Variants in EIF2AK4 observed in about 807,000 individuals in gnomAD.
The protein encoded by EIF2AK4 is eukaryotic translation initiation factor 2 alpha kinase 4, also known as eIF-2-alpha kinase GCN2.
Under a neutral mutation model 211.1 loss-of-function variants are expected in EIF2AK4, and 139 were observed. The observed-to-expected ratio is 0.66, with a 90% CI of 0.57 to 0.76. EIF2AK4 has a LOEUF of 0.76. EIF2AK4 is among the 30% of genes least tolerant of loss of function. The probability of loss-of-function intolerance (pLI) is 0.00; values close to 1 mark genes in which losing one functional copy is unlikely to be tolerated. For synonymous variants in EIF2AK4, 710 were observed against 751.3 expected, an observed-to-expected ratio of 0.94 and a Z score of 0.90; for missense variants, 1,664 against 2,043.8, an observed-to-expected ratio of 0.81 and a Z score of 3.58.
At chr15:40,031,372 T>C (rs2035540835) in intron 35 of EIF2AK4, among the ~76,000 whole-genome samples, 1 of 152,212 alleles carries the variant, frequency 6.6e-6, no homozygotes, top group African/African-American at 2.4e-5. Context: ...CAGACTGAAA[T>C]ACAAAAATCA....
chr15:39,982,172 C>A lies in EIF2AK4; in HGVS notation c.2320-3633C>A, dbSNP rs187773034. The stretch of plus-strand genomic sequence containing the variant: ...ATCTCCTGACCTCGTGATCCGCCCG[C>A]CTCGGCCTCCCAAAGTGCTGGGATT... On this transcript the variant is annotated intron_variant, in intron 13 of 38. Coordinates refer to ENST00000263791, the MANE Select transcript of EIF2AK4 (RefSeq NM_001013703.4). 2.3e-3 allele frequency among the ~76,000 whole-genome samples: 352 copies of A among 152,318 alleles called. 5 individuals are homozygous for A. Among genetic ancestry groups the A allele is most frequent in the Admixed American group, 0.016 (251 of 15,300 alleles).
chr15:40,031,638 TAAAC>T (rs1320501451), intron 35 of EIF2AK4, among the ~76,000 whole-genome samples: 5 of 152,198 alleles, frequency 3.3e-5, no homozygotes, highest in African/African-American at 9.7e-5. Context: ...CAAGGATTAT[TAAAC>T]AAATGGTCAA....
chr15:39,994,270 C>T (rs2034989887), intron 18 of EIF2AK4, among the ~76,000 whole-genome samples: 2 of 152,194 alleles, frequency 1.3e-5, no homozygotes, highest in African/African-American at 4.8e-5. Context: ...AGCTATGAGA[C>T]TGGATGAGAT....
At chr15:39,995,988 GC>G (rs2035013335) in intron 18 of EIF2AK4, among the ~76,000 whole-genome samples, 1 of 152,142 alleles carries the variant, frequency 6.6e-6, no homozygotes, top group Non-Finnish European at 1.5e-5. Context: ...GAAAATGCGT[GC>G]CCTTTGACCA....
chr15:40,026,703 C>G (rs1349178944), intron 33 of EIF2AK4, among the ~76,000 whole-genome samples: 1 of 152,130 alleles, frequency 6.6e-6, no homozygotes, highest in Non-Finnish European at 1.5e-5. Flanking sequence ...ATTCAGTCTG[C>G]TAATCAGTGA....
At chr15:39,998,270 G>GTTTTTTTTTTTTTTTTTCT (rs11435806) in intron 19 of EIF2AK4, among the ~76,000 whole-genome samples, 2 of 125,396 alleles carry the variant, frequency 1.6e-5, no homozygotes, top group Admixed American at 8.4e-5. Context: ...TTTTTTTTTT[G>GTTTTTTTTTTTTTTTTTCT]TTTTGTTTTT....
In EIF2AK4 at chr15:40,003,255, G is replaced by A. The variant is rs187113187; in HGVS notation, c.3298G>A (p.Glu1100Lys). 118 of 1,614,174 alleles carry A rather than the reference G, an allele frequency of 7.3e-5. No individual in the cohort carries two copies. The Admixed American group carries it at 1.6e-3, about 22-fold the overall frequency. Residue 1100 changes from glutamate (E) to lysine (K), a missense_variant, in exon 23 of 39, where the codon GAA becomes AAA. By Grantham distance (56) the Glu-to-Lys change is moderately conservative. Coordinates refer to ENST00000263791, the MANE Select transcript of EIF2AK4 (RefSeq NM_001013703.4). ...AAACAGACAAATATATGAGCACAACGAAGCTGCCCTATTCATGGACCACAG... is the reference window on the plus strand; with the variant it reads ...AAACAGACAAATATATGAGCACAACAAAGCTGCCCTATTCATGGACCACAG... ...PRNRQIYEHN[E>K]AALFMDHSGM...
intron 38 of EIF2AK4, 93 bp from the exon 39 acceptor site, chr15:40,034,934 A>G (rs2035594667): frequency 5.0e-6 from 5 of 993,448 alleles, no homozygotes; most frequent in Non-Finnish European, 5.8e-6. Flanking sequence ...TTTTGCTTAA[A>G]TAAAGCTCCT....
chr15:40,019,872 T>C (rs541419081), intron 30 of EIF2AK4, among the ~76,000 whole-genome samples: 14 of 152,284 alleles, frequency 9.2e-5, no homozygotes, highest in Admixed American at 6.5e-4. Flanking sequence ...CAAAACTTCT[T>C]GTTCAGGCCA....
At chr15:40,018,043 C>T (rs540177990) in intron 29 of EIF2AK4, among the ~76,000 whole-genome samples, 34 of 152,158 alleles carry the variant, frequency 2.2e-4, no homozygotes, top group African/African-American at 7.2e-4. Flanking sequence ...ACTTTATCTC[C>T]CTGTATGTCT....
intron 3 of EIF2AK4, among the ~76,000 whole-genome samples, chr15:39,944,217 C>A (rs2034189153): frequency 6.6e-6 from 1 of 152,048 alleles, no homozygotes; most frequent in South Asian, 2.1e-4. Context: ...AGTACTCATT[C>A]TTTTTTAATC....
chr15:39,956,224 T>G (rs1415777546), intron 6 of EIF2AK4, among the ~76,000 whole-genome samples: 1 of 152,120 alleles, frequency 6.6e-6, no homozygotes, highest in East Asian at 1.9e-4. Context: ...CAGGCTGGTC[T>G]CGAACTCCTG....
At chr15:39,980,664 T>C (rs1030610503) in intron 13 of EIF2AK4, among the ~76,000 whole-genome samples, 1 of 152,168 alleles carries the variant, frequency 6.6e-6, no homozygotes, top group Non-Finnish European at 1.5e-5. Flanking sequence ...TATTCTACTA[T>C]TGGGGACTGA....
chr15:40,030,290 C>A, intron 34 of EIF2AK4, 69 bp from the exon 35 acceptor site: 1 of 1,456,296 alleles, frequency 6.9e-7, no homozygotes, highest in Non-Finnish European at 9.5e-7. Context: ...ACTCTGCCAT[C>A]TCTCTGTAGT....
chr15:39,973,203 T>C lies in EIF2AK4; in HGVS notation c.1660+189T>C, dbSNP rs2307106. ...GCCACCCTGATTTTTCTAGTCTCTA[T>C]TGATGGAATGAATGTCCATTGCTGT... On this transcript the variant is annotated intron_variant, in intron 10 of 38. Transcript: ENST00000263791. Among the ~76,000 whole-genome samples, 138,992 of 152,242 alleles carry C rather than the reference T, an allele frequency of 0.91. 63,878 individuals carry two copies. The highest frequency in any genetic ancestry group is 0.97 in the Middle Eastern group (285 of 294).
At chr15:39,984,834 AC>A (rs2034842604) in intron 13 of EIF2AK4, among the ~76,000 whole-genome samples, 3 of 152,266 alleles carry the variant, frequency 2.0e-5, no homozygotes, top group Admixed American at 1.3e-4. Flanking sequence ...CTATTTTAAT[AC>A]CCTTTATTTC....
intron 6 of EIF2AK4, among the ~76,000 whole-genome samples, chr15:39,959,529 A>C (rs1410720939): frequency 6.6e-6 from 1 of 152,122 alleles, no homozygotes; most frequent in Non-Finnish European, 1.5e-5. Flanking sequence ...TTATTCCTTA[A>C]TCTTACAGCC....
chr15:39,952,946 C>T (rs1353143155), intron 4 of EIF2AK4, among the ~76,000 whole-genome samples: 1 of 152,166 alleles, frequency 6.6e-6, no homozygotes. Flanking sequence ...TTCTCAGGTT[C>T]AAGCAATTCT....
chr15:39,952,421 G>A (rs184674412), intron 4 of EIF2AK4, among the ~76,000 whole-genome samples: 49 of 151,832 alleles, frequency 3.2e-4, no homozygotes, highest in Non-Finnish European at 5.9e-4. Flanking sequence ...GACTATAGCC[G>A]TACACCACTG....
Sources: gnomAD v4.1 joint callset for allele counts (sites outside exome capture counted in the v4.1 genomes callset) on GRCh38, gnomAD v4.1.1 for gene constraint, MANE v1.5 for transcripts, NCBI Gene and HGNC (gene_info 2026-07-23, HGNC 2026-07-21) for gene names.